The following RBFOX1 variants were observed in gnomAD, a reference collection of about 807,000 sequenced individuals.
RBFOX1 encodes RNA binding fox-1 homolog 1.
In RBFOX1, 8 loss-of-function variants were observed where a neutral mutation model predicts 57.7. The observed-to-expected ratio is 0.14, with a 90% CI of 0.08 to 0.25. The LOEUF (loss-of-function observed/expected upper bound fraction) is 0.25. RBFOX1 is among the 10% of genes least tolerant of loss of function. The probability of loss-of-function intolerance (pLI) is 1.00; values close to 1 mark genes in which losing one functional copy is unlikely to be tolerated. For synonymous variants in RBFOX1, 326 were observed against 222.4 expected (o/e 1.47, Z -4.15); for missense variants, 611 against 548.5 (o/e 1.11, Z -1.14).
intron 1 of RBFOX1, among the ~76,000 whole-genome samples, chr16:6,166,202 C>A (rs954214999): frequency 2.0e-5 from 3 of 152,152 alleles, no homozygotes; most frequent in Admixed American, 6.6e-5. Context: ...GGACACCAGA[C>A]CTATTGCTAA....
intron 1 of RBFOX1, among the ~76,000 whole-genome samples, chr16:5,464,140 G>A (rs2068881859): frequency 6.6e-6 from 1 of 152,210 alleles, no homozygotes; most frequent in Non-Finnish European, 1.5e-5. Flanking sequence ...AGGCACAGCT[G>A]GGGAGAGAGG....
At chr16:7,464,090 G>C (rs1211333839) in intron 4 of RBFOX1, among the ~76,000 whole-genome samples, 1 of 152,094 alleles carries the variant, frequency 6.6e-6, no homozygotes. Context: ...CCATCTTTAT[G>C]ATCTGCTTAC....
intron 1 of RBFOX1, among the ~76,000 whole-genome samples, chr16:6,137,875 G>A (rs925794444): frequency 6.6e-6 from 1 of 152,064 alleles, no homozygotes; most frequent in Non-Finnish European, 1.5e-5. Context: ...CTCCCAAAGT[G>A]TTGGGATCAC....
chr16:5,301,808 C>G (rs1160916543), intron 1 of RBFOX1, among the ~76,000 whole-genome samples: 16 of 151,948 alleles, frequency 1.1e-4, no homozygotes, highest in Non-Finnish European at 2.4e-4. Flanking sequence ...CAAATGTTTG[C>G]TGTTTTAAGT....
intron 3 of RBFOX1, among the ~76,000 whole-genome samples, chr16:6,892,302 T>A (rs2065639967): frequency 6.6e-6 from 1 of 152,194 alleles, no homozygotes; most frequent in Non-Finnish European, 1.5e-5. Context: ...GACCGTAAAG[T>A]ACTGGATCTC....
At chr16:6,181,967 C>T (rs949929675) in intron 1 of RBFOX1, among the ~76,000 whole-genome samples, 34 of 152,058 alleles carry the variant, frequency 2.2e-4, no homozygotes, top group African/African-American at 7.5e-4. Context: ...GAGGATGTTT[C>T]CAGAAAGCAT....
At chr16:5,639,576 T>C (rs2048795022) in intron 3 of RBFOX1, among the ~76,000 whole-genome samples, 1 of 152,176 alleles carries the variant, frequency 6.6e-6, no homozygotes, top group Non-Finnish European at 1.5e-5. Context: ...TGCCACACTC[T>C]CCATCACTCT....
intron 3 of RBFOX1, among the ~76,000 whole-genome samples, chr16:6,732,751 C>T (rs892707418): frequency 2.6e-5 from 4 of 152,158 alleles, no homozygotes; most frequent in Admixed American, 1.3e-4. Context: ...GCACATTCTG[C>T]CAGTGCCTCT....
intron 4 of RBFOX1, chr16:7,333,030 A>T (rs1568254704): frequency 1.2e-6 from 2 of 1,613,816 alleles, no homozygotes; most frequent in Non-Finnish European, 8.5e-7. Flanking sequence ...GTTCTCCTGC[A>T]TCCTTATGGC....
intron 3 of RBFOX1, among the ~76,000 whole-genome samples, chr16:6,879,278 C>G (rs2062439605): frequency 1.3e-5 from 2 of 152,126 alleles, no homozygotes; most frequent in African/African-American, 2.4e-5. Flanking sequence ...AGCCAGTTTT[C>G]TGAAGGGCAG....
intron 4 of RBFOX1, among the ~76,000 whole-genome samples, chr16:5,909,826 C>T (rs1048858549): frequency 6.6e-6 from 1 of 152,088 alleles, no homozygotes; most frequent in Non-Finnish European, 1.5e-5. Flanking sequence ...CCGCGGCGGG[C>T]AGATCACTTG....
chr16:5,254,295 C>G (rs1197944946), intron 1 of RBFOX1, among the ~76,000 whole-genome samples: 2 of 152,170 alleles, frequency 1.3e-5, no homozygotes, highest in East Asian at 3.9e-4. Context: ...CAGTAGTTCT[C>G]CAACAGCAGG....
intron 2 of RBFOX1, among the ~76,000 whole-genome samples, chr16:6,441,090 A>G (rs1378726494): frequency 6.6e-6 from 1 of 151,952 alleles, no homozygotes; most frequent in East Asian, 2.0e-4. Context: ...GTCATGGCGG[A>G]CGGAGAGGCA....
intron 13 of RBFOX1, among the ~76,000 whole-genome samples, chr16:7,669,438 T>C (rs1008697412): frequency 3.3e-5 from 5 of 152,014 alleles, no homozygotes; most frequent in African/African-American, 1.2e-4. Flanking sequence ...CATAGTGAGG[T>C]GTGACAATGG....
intron 2 of RBFOX1, among the ~76,000 whole-genome samples, chr16:5,594,914 T>C (rs944460343): frequency 2.7e-5 from 4 of 148,540 alleles, no homozygotes; most frequent in African/African-American, 7.5e-5. Flanking sequence ...GGTGGATCAC[T>C]TGAGGTCAGG....
chr16:7,470,047 A>G (rs183083177), intron 4 of RBFOX1, among the ~76,000 whole-genome samples: 3 of 150,558 alleles, frequency 2.0e-5, no homozygotes, highest in African/African-American at 2.5e-5. Flanking sequence ...TTAACATTGC[A>G]TAATATTCCA....
chr16:5,445,474 ATTTG>A (rs1169926706), intron 1 of RBFOX1, among the ~76,000 whole-genome samples: 5 of 152,224 alleles, frequency 3.3e-5, no homozygotes, highest in Non-Finnish European at 7.3e-5. Flanking sequence ...AGTAGGTGAT[ATTTG>A]TTGGATAAAC....
At chr16:6,122,914 C>G (rs2096562485) in intron 1 of RBFOX1, among the ~76,000 whole-genome samples, 1 of 150,788 alleles carries the variant, frequency 6.6e-6, no homozygotes, top group South Asian at 2.1e-4. Flanking sequence ...GTTTAAAAGA[C>G]TGAAATACCA....
At chr16:7,123,305 A>C (rs1600177645) in intron 4 of RBFOX1, among the ~76,000 whole-genome samples, 1 of 152,188 alleles carries the variant, frequency 6.6e-6, no homozygotes, top group African/African-American at 2.4e-5. Flanking sequence ...AACATTACAC[A>C]TTTAAAAATA....
Sources: allele counts gnomAD v4.1 joint callset (sites outside exome capture counted in the v4.1 genomes callset), GRCh38; gene constraint gnomAD v4.1.1; transcripts MANE v1.5; gene names NCBI Gene and HGNC (gene_info 2026-07-23, HGNC 2026-07-21).